The following MEI1 variants were observed in gnomAD, a reference collection of about 807,000 sequenced individuals.
MEI1 encodes the protein meiosis inhibitor protein 1.
Under a neutral mutation model 146.2 loss-of-function variants are expected in MEI1, and 103 were observed. The observed-to-expected ratio is 0.70, with a 90% CI of 0.60 to 0.83. MEI1 has a LOEUF of 0.83. MEI1 is among the 40% of genes least tolerant of loss of function. The pLI, the probability that MEI1 is intolerant of heterozygous loss-of-function variation, is 0.00. For synonymous variants in MEI1, 652 were observed against 628.2 expected (o/e 1.04, Z -0.57); for missense variants, 1,529 against 1,533.0 (o/e 1.00, Z 0.04).
chr22:41,784,892 A>G (rs1295012535), intron 26 of MEI1, 109 bp downstream of exon 26: 1 of 528,528 alleles, frequency 1.9e-6, no homozygotes, highest in Non-Finnish European at 2.8e-6. Context: ...GTGGATTAAG[A>G]CTTTTTTAAA....
At position 41,794,238 on chromosome 22, in the gene MEI1, C is replaced by A. The variant is rs182522017; in HGVS notation, c.3428-133C>A. On this transcript the variant is annotated intron_variant, in intron 27 of 30. Coordinates refer to ENST00000401548, the MANE Select transcript of MEI1 (RefSeq NM_152513.4). The stretch of plus-strand genomic sequence containing the variant: ...TTAGAAGCCCAGGGAAGAAAGAACC[C>A]TCCTTGGGTCAGCTTGTTCAGTGCC... 132 of 763,840 alleles carry A rather than the reference C, an allele frequency of 1.7e-4. No homozygotes were observed. In the African/African-American group the frequency reaches 2.1e-3, roughly 12 times the overall value. The allele number at this position is 763,840 out of a possible 1,614,324, so 47.3% of individuals were successfully genotyped here. A position where few individuals can be genotyped will look rare whatever the true frequency, so the allele number is the denominator to read the frequency against.
intron 22 of MEI1, among the ~76,000 whole-genome samples, 197 bp from the exon 23 acceptor site, chr22:41,781,087 A>G (rs2148148303): frequency 6.6e-6 from 1 of 152,212 alleles, no homozygotes; most frequent in East Asian, 1.9e-4. Flanking sequence ...TGCTTGCCTG[A>G]TGTTTGTCTA....
intron 26 of MEI1, among the ~76,000 whole-genome samples, chr22:41,785,917 T>TA (rs1338741204): frequency 2.9e-5 from 4 of 139,862 alleles, no homozygotes; most frequent in East Asian, 2.0e-4. Flanking sequence ...TTTATTTTAT[T>TA]TTTTTTTTTT....
Position 41,705,736 on chromosome 22 carries a change from C to G in MEI1, c.349+182C>G, listed in dbSNP as rs189480150. ...TTTTTTTTTTTTTTTGAGACGGAATCTTGCTCTGTTGCCCAGGCTGGAGTG... is the reference window on the plus strand; with the variant it reads ...TTTTTTTTTTTTTTTGAGACGGAATGTTGCTCTGTTGCCCAGGCTGGAGTG... On this transcript the variant is annotated intron_variant, in intron 3 of 30. Coordinates refer to ENST00000401548, the MANE Select transcript of MEI1 (RefSeq NM_152513.4). 5.3e-4 allele frequency among the ~76,000 whole-genome samples: 75 copies of G among 142,370 alleles called. 1 individual carries two copies. Among genetic ancestry groups the G allele is most frequent in the Middle Eastern group, 7.6e-3 (2 of 264 alleles). 93.4% of individuals were successfully genotyped at this position (142,370 alleles called of 152,430 possible).
chr22:41,739,381 C>G (rs560073801), intron 11 of MEI1, among the ~76,000 whole-genome samples: 1 of 152,164 alleles, frequency 6.6e-6, no homozygotes, highest in African/African-American at 2.4e-5. Flanking sequence ...TCCTGAGTTC[C>G]TACGTGGTTA....
At chr22:41,738,328 C>T (rs2072558365) in intron 11 of MEI1, among the ~76,000 whole-genome samples, 2 of 152,200 alleles carry the variant, frequency 1.3e-5, no homozygotes, top group South Asian at 4.1e-4. Context: ...GTGGCTCATG[C>T]CTGTAATCCC....
intron 19 of MEI1, among the ~76,000 whole-genome samples, chr22:41,763,649 A>G (rs1040206885): frequency 1.3e-5 from 2 of 151,922 alleles, no homozygotes; most frequent in Admixed American, 6.6e-5. Context: ...CGGGAGTGCA[A>G]TGGTGTGATT....
At chr22:41,722,467 A>ATTTTTTTTT (rs749033326) in intron 6 of MEI1, among the ~76,000 whole-genome samples, 2 of 127,646 alleles carry the variant, frequency 1.6e-5, no homozygotes, top group Non-Finnish European at 1.6e-5. Context: ...CAGCATTTTA[A>ATTTTTTTTT]TTTTTTTTTT....
chr22:41,751,290 C>T (rs1035084598), intron 15 of MEI1, among the ~76,000 whole-genome samples: 1 of 152,126 alleles, frequency 6.6e-6, no homozygotes, highest in African/African-American at 2.4e-5. Flanking sequence ...GCTGCTTTAG[C>T]CCCAGGATAA....
chr22:41,777,930 TTTC>T (rs554811789), intron 21 of MEI1, among the ~76,000 whole-genome samples: 41 of 151,576 alleles, frequency 2.7e-4, no homozygotes, highest in Admixed American at 7.2e-4. Flanking sequence ...TTCTTCTTCT[TTTC>T]TTCTTCTCCT....
chr22:41,730,508 T>G lies in MEI1; in HGVS notation c.980-13T>G, dbSNP rs753568812. The G allele has an allele frequency of 2.5e-6, 4 of 1,579,646 alleles. No homozygotes were observed. The South Asian group carries it at 4.4e-5, about 17-fold the overall frequency. ...GCTGTCATTTATTGTTTTCTCATCC[T>G]CTCCCTTGTTAGAGTTCCTCTTTGA... On this transcript the variant is annotated splice_polypyrimidine_tract_variant and intron_variant, in intron 8 of 30. Transcript: ENST00000401548.
At chr22:41,719,824 G>C (rs1334816602) in intron 6 of MEI1, among the ~76,000 whole-genome samples, 1 of 152,104 alleles carries the variant, frequency 6.6e-6, no homozygotes, top group Non-Finnish European at 1.5e-5. Flanking sequence ...TTCTTATTTT[G>C]GGCAGAACAG....
rs560624089 is a variant in MEI1 at position 41,724,537 on chromosome 22, G to A, written c.864+464G>A. On this transcript the variant is annotated intron_variant, in intron 7 of 30. Transcript: ENST00000401548. ...GGATGCTGAGGCAGGAGAATGCCTT[G>A]AATCTGGGAGGCGGAGGTTGCAGTG... Among the ~76,000 whole-genome samples the A allele has an allele frequency of 2.0e-5, 3 of 151,120 alleles. No individual in the cohort carries two copies. In the East Asian group the frequency reaches 5.9e-4, roughly 30 times the overall value.
In MEI1 at chr22:41,778,356, A is replaced by C. The variant is rs185903183; in HGVS notation, c.2711-352A>C. Among the ~76,000 whole-genome samples, 160 of 152,324 alleles carry C rather than the reference A, an allele frequency of 1.1e-3. 1 individual carries two copies. The highest frequency in any genetic ancestry group is 2.1e-3 in the Non-Finnish European group (146 of 68,034). ...GGAGGAACACAAACATTCAGACCAC[A>C]GCATCCTGCCACTTTCTGGCTGTGG... On this transcript the variant is annotated intron_variant, in intron 21 of 30. Coordinates refer to ENST00000401548, the MANE Select transcript of MEI1 (RefSeq NM_152513.4).
Position 41,732,454 on chromosome 22 carries a change from T to C in MEI1, c.1197-15T>C. ...GAAGAGTTCACCTACTCGTTTCTCATCTTCCATTTCTCAGGCAGCCAGAGG... is the reference window on the plus strand; with the variant it reads ...GAAGAGTTCACCTACTCGTTTCTCACCTTCCATTTCTCAGGCAGCCAGAGG... On this transcript the variant is annotated splice_polypyrimidine_tract_variant and intron_variant, in intron 10 of 30. Transcript: ENST00000401548. 6.2e-7 allele frequency: 1 copy of C among 1,613,768 alleles called. No homozygotes were observed. Among genetic ancestry groups the C allele is most frequent in the Non-Finnish European group, 8.5e-7 (1 of 1,179,794 alleles).
intron 18 of MEI1, among the ~76,000 whole-genome samples, chr22:41,761,925 G>A (rs988076120): frequency 2.0e-5 from 3 of 152,190 alleles, no homozygotes; most frequent in African/African-American, 7.2e-5. Context: ...CATTTTAGAA[G>A]TCCATCCAGT....
chr22:41,740,124 A>T (rs1021667975), intron 11 of MEI1, among the ~76,000 whole-genome samples: 1 of 151,742 alleles, frequency 6.6e-6, no homozygotes, highest in African/African-American at 2.4e-5. Context: ...GGTTCAAACG[A>T]TTCTCCTGCC....
At chr22:41,728,052 C>T (rs1328155472) in intron 7 of MEI1, among the ~76,000 whole-genome samples, 5 of 152,200 alleles carry the variant, frequency 3.3e-5, no homozygotes, top group Admixed American at 3.3e-4. Flanking sequence ...CACATATACT[C>T]AAGTCCTACA....
intron 17 of MEI1, among the ~76,000 whole-genome samples, chr22:41,757,134 G>A (rs371108498): frequency 3.3e-4 from 51 of 152,266 alleles, no homozygotes; most frequent in Non-Finnish European, 5.1e-4. Context: ...TCGCTCTGTC[G>A]CCCATGCTGG....
Sources: allele counts gnomAD v4.1 joint callset (sites outside exome capture counted in the v4.1 genomes callset), GRCh38; gene constraint gnomAD v4.1.1; transcripts MANE v1.5; gene names NCBI Gene and HGNC (gene_info 2026-07-23, HGNC 2026-07-21).